The following SOBP variants were observed in gnomAD, a reference collection of about 807,000 sequenced individuals.
SOBP encodes the protein sine oculis binding protein homolog, also known as sine oculis-binding protein homolog.
In SOBP, 4 loss-of-function variants were observed where a neutral mutation model predicts 53.6. That is an observed-to-expected ratio of 0.07 (90% CI 0.04 to 0.17). The LOEUF (loss-of-function observed/expected upper bound fraction) is 0.17, where lower values mean the gene tolerates loss of function less well. Ranked by LOEUF, SOBP falls within the 10% of genes least tolerant of loss-of-function variation. The probability of loss-of-function intolerance (pLI) is 1.00; values close to 1 mark genes in which losing one functional copy is unlikely to be tolerated. For missense variants in SOBP, 1,088 were observed against 1,204.7 expected, an observed-to-expected ratio of 0.90 and a Z score of 1.43; for synonymous variants, 584 against 522.6, an observed-to-expected ratio of 1.12 and a Z score of -1.60.
At chr6:107,618,173 A>G (rs1236776901) in intron 5 of SOBP, among the ~76,000 whole-genome samples, 1 of 152,082 alleles carries the variant, frequency 6.6e-6, no homozygotes, top group Non-Finnish European at 1.5e-5. Context: ...TTTTTAGTCA[A>G]ATTAATGGGT....
chr6:107,606,971 G>A lies in SOBP; in HGVS notation c.669+19796G>A, dbSNP rs549165475. Among the ~76,000 whole-genome samples, 26 of 152,310 alleles carry A rather than the reference G, an allele frequency of 1.7e-4. No homozygotes were observed. In the South Asian group the frequency reaches 4.6e-3, roughly 27 times the overall value. On this transcript the variant is annotated intron_variant, in intron 5 of 6. Coordinates refer to ENST00000317357, the MANE Select transcript of SOBP (RefSeq NM_018013.4). ...GGTAGACTCCTTGGCCTTGGGTTTC[G>A]CCTGTTGTTGGGAGAGAATCTGTCC...
intron 6 of SOBP, among the ~76,000 whole-genome samples, chr6:107,644,171 G>T (rs1426180139): frequency 2.0e-5 from 3 of 152,206 alleles, no homozygotes; most frequent in African/African-American, 7.2e-5. Context: ...GGACATGATG[G>T]CGCATGGCTG....
intron 3 of SOBP, among the ~76,000 whole-genome samples, chr6:107,527,117 G>A (rs1783685985): frequency 6.6e-6 from 1 of 152,164 alleles, no homozygotes; most frequent in South Asian, 2.1e-4. Flanking sequence ...TACCAAAGTG[G>A]CAGACATTTT....
intron 6 of SOBP, among the ~76,000 whole-genome samples, chr6:107,656,291 G>GA (rs1324658123): frequency 2.5e-4 from 4 of 16,012 alleles, no homozygotes; most frequent in Admixed American, 7.7e-4. Context: ...AGAAAGAAAA[G>GA]AAAGAAAGAA....
At chr6:107,501,391 C>T (rs1420397999) in intron 1 of SOBP, among the ~76,000 whole-genome samples, 4 of 152,270 alleles carry the variant, frequency 2.6e-5, no homozygotes, top group East Asian at 1.9e-4. Flanking sequence ...ATTATGCATT[C>T]GTAGCCTTTG....
intron 4 of SOBP, among the ~76,000 whole-genome samples, chr6:107,561,270 T>C (rs962755777): frequency 1.3e-5 from 2 of 152,138 alleles, no homozygotes; most frequent in Non-Finnish European, 2.9e-5. Flanking sequence ...ACGTAGTTCA[T>C]GGGGTTTCTT....
intron 4 of SOBP, among the ~76,000 whole-genome samples, chr6:107,562,184 C>G (rs1784791846): frequency 6.6e-6 from 1 of 151,880 alleles, no homozygotes; most frequent in South Asian, 2.1e-4. Context: ...GTGCATGCCT[C>G]AGTTTTGTAT....
chr6:107,541,220 T>C lies in SOBP; in HGVS notation c.573+7610T>C, dbSNP rs140153350. On this transcript the variant is annotated intron_variant, in intron 4 of 6. Coordinates refer to ENST00000317357, the MANE Select transcript of SOBP (RefSeq NM_018013.4). ...ATTTTCTGCTTAATTCATCTTCGAATAGAGGAAAATATAGTTAGTAGATAT... is the reference window on the plus strand; with the variant it reads ...ATTTTCTGCTTAATTCATCTTCGAACAGAGGAAAATATAGTTAGTAGATAT... 2.6e-5 allele frequency among the ~76,000 whole-genome samples: 4 copies of C among 152,304 alleles called. No individual in the cohort carries two copies. In the East Asian group the frequency reaches 5.8e-4, roughly 22 times the overall value.
intron 5 of SOBP, among the ~76,000 whole-genome samples, chr6:107,620,241 G>A (rs1314289890): frequency 6.6e-6 from 1 of 152,138 alleles, no homozygotes; most frequent in African/African-American, 2.4e-5. Flanking sequence ...CTGCAGTTTG[G>A]CTTCTACTCC....
chr6:107,564,226 A>G (rs554959063), intron 4 of SOBP, among the ~76,000 whole-genome samples: 4 of 152,186 alleles, frequency 2.6e-5, no homozygotes, highest in South Asian at 2.1e-4. Context: ...TGGCCCTTCT[A>G]TTTCTTAAAG....
At chr6:107,584,925 T>C (rs888139240) in intron 4 of SOBP, among the ~76,000 whole-genome samples, 2 of 152,148 alleles carry the variant, frequency 1.3e-5, no homozygotes, top group African/African-American at 4.8e-5. Flanking sequence ...GTATACATAG[T>C]ATATGCATAA....
chr6:107,579,049 G>C lies in SOBP; in HGVS notation c.574-8031G>C, dbSNP rs1785323540. On this transcript the variant is annotated intron_variant, in intron 4 of 6. Coordinates refer to ENST00000317357, the MANE Select transcript of SOBP (RefSeq NM_018013.4). Reference sequence around the variant, plus strand: ...GGTCTATTAATTAAGGATTTTGTGGGTGCCAACCAGCAGCAAAGTGGAATC... The same window carrying C: ...GGTCTATTAATTAAGGATTTTGTGGCTGCCAACCAGCAGCAAAGTGGAATC... Among the ~76,000 whole-genome samples the C allele has an allele frequency of 1.3e-5, 2 of 152,144 alleles. 1 individual carries two copies. The highest frequency in any genetic ancestry group is 4.1e-4 in the South Asian group (2 of 4,826).
intron 5 of SOBP, among the ~76,000 whole-genome samples, chr6:107,600,021 G>A (rs11153068): frequency 0.49 from 74,419 of 152,176 alleles, 22,672 homozygotes; most frequent in Middle Eastern, 0.77. Context: ...TCATGTTCAA[G>A]ATTAAAATGA....
Position 107,658,956 on chromosome 6 carries a change from C to T in SOBP, c.*753C>T, listed in dbSNP as rs1772184438. The T allele has an allele frequency of 6.6e-6, 1 of 152,590 alleles. No individual in the cohort carries two copies. Among genetic ancestry groups the T allele is most frequent in the Admixed American group, 6.5e-5 (1 of 15,276 alleles). 9.5% of individuals were successfully genotyped at this position (152,590 alleles called of 1,614,324 possible). ...ACTGTGGTTTTTCAGAGACTGAATG[C>T]CAAGAGAACTCGGTAAATGTTTATT... On this transcript the variant is annotated 3_prime_UTR_variant, in exon 7 of 7. Transcript: ENST00000317357.
intron 3 of SOBP, among the ~76,000 whole-genome samples, chr6:107,531,545 A>G (rs1432166095): frequency 6.6e-6 from 1 of 152,204 alleles, no homozygotes; most frequent in Non-Finnish European, 1.5e-5. Context: ...CATACCATGT[A>G]AAATGTTCAT....
At chr6:107,510,057 A>G (rs139244630) in intron 3 of SOBP, among the ~76,000 whole-genome samples, 1 of 152,222 alleles carries the variant, frequency 6.6e-6, no homozygotes, top group Non-Finnish European at 1.5e-5. Flanking sequence ...TAGTCATACT[A>G]TCTAGGGCAG....
intron 5 of SOBP, among the ~76,000 whole-genome samples, chr6:107,593,282 C>A (rs964708360): frequency 6.6e-6 from 1 of 152,198 alleles, no homozygotes; most frequent in Non-Finnish European, 1.5e-5. Flanking sequence ...TGCTCAGCTT[C>A]TGCTCTGATA....
chr6:107,626,044 AAC>A (rs1456947374), intron 5 of SOBP, among the ~76,000 whole-genome samples: 1 of 152,218 alleles, frequency 6.6e-6, no homozygotes, highest in Non-Finnish European at 1.5e-5. Flanking sequence ...CAGGAAGAAA[AAC>A]AGTGACACAA....
intron 3 of SOBP, among the ~76,000 whole-genome samples, chr6:107,521,909 A>AACACAC (rs34004579): frequency 0.017 from 2,377 of 139,292 alleles, 36 homozygotes; most frequent in African/African-American, 0.03. Flanking sequence ...CAGACATTAA[A>AACACAC]ACACACACAC....
Sources: allele counts gnomAD v4.1 joint callset (sites outside exome capture counted in the v4.1 genomes callset), GRCh38; gene constraint gnomAD v4.1.1; transcripts MANE v1.5; gene names NCBI Gene and HGNC (gene_info 2026-07-23, HGNC 2026-07-21).